Variants in ZFAT observed in about 807,000 individuals in gnomAD.
ZFAT encodes zinc finger and AT-hook domain containing, also known as zinc finger protein ZFAT.
In ZFAT, 64 loss-of-function variants were observed where a neutral mutation model predicts 117.7. The observed-to-expected ratio is 0.54, with a 90% CI of 0.44 to 0.67. ZFAT has a LOEUF of 0.67. Ranked by LOEUF, ZFAT falls within the 30% of genes least tolerant of loss-of-function variation. The probability of loss-of-function intolerance (pLI) is 0.00; values close to 1 mark genes in which losing one functional copy is unlikely to be tolerated. For synonymous variants in ZFAT, 679 were observed against 615.0 expected, an observed-to-expected ratio of 1.10 and a Z score of -1.54; for missense variants, 1,433 against 1,584.5, an observed-to-expected ratio of 0.90 and a Z score of 1.62.
chr8:134,771,788 A>G, the ZFAT span, among the ~76,000 whole-genome samples: 1 of 152,234 alleles, frequency 6.6e-6, no homozygotes, highest in African/African-American at 2.4e-5. Context: ...TGATAAAGAC[A>G]TACCAGAGAC....
At chr8:134,713,342 A>C (rs1814110085), upstream of ZFAT, among the ~76,000 whole-genome samples, 1 of 152,168 alleles carries the variant, frequency 6.6e-6, no homozygotes, top group South Asian at 2.1e-4. Flanking sequence ...GCGTGCAAGG[A>C]GAGTTCTGGG....
intron 2 of ZFAT, among the ~76,000 whole-genome samples, chr8:134,650,505 T>C (rs971395796): frequency 3.9e-5 from 6 of 152,190 alleles, no homozygotes; most frequent in African/African-American, 1.4e-4. Context: ...ACAGATCTAA[T>C]GCAATCTTTA....
At chr8:134,667,344 T>A (rs887132799) in intron 1 of ZFAT, among the ~76,000 whole-genome samples, 2 of 151,468 alleles carry the variant, frequency 1.3e-5, no homozygotes, top group Non-Finnish European at 2.9e-5. Context: ...TGCAGAAAAA[T>A]TAGCCGGGCG....
intron 1 of ZFAT, among the ~76,000 whole-genome samples, chr8:134,668,447 A>G (rs1832362078): frequency 6.6e-6 from 1 of 152,204 alleles, no homozygotes; most frequent in South Asian, 2.1e-4. Context: ...CCATTCACCA[A>G]TATCCGCTGT....
At chr8:134,515,403 C>G (rs935311392) in intron 13 of ZFAT, among the ~76,000 whole-genome samples, 3 of 152,182 alleles carry the variant, frequency 2.0e-5, no homozygotes, top group African/African-American at 7.2e-5. Flanking sequence ...CCACGACGGG[C>G]AAACTAATTT....
chr8:134,686,488 T>C (rs1451118828), intron 1 of ZFAT, among the ~76,000 whole-genome samples: 7 of 152,200 alleles, frequency 4.6e-5, no homozygotes, highest in South Asian at 2.1e-4. Context: ...TTTCTCTACA[T>C]GTATGTTACA....
chr8:134,712,821 A>ACAC, intron 1 of ZFAT, 24 bp downstream of exon 1: 14 of 669,040 alleles, frequency 2.1e-5, no homozygotes, highest in Non-Finnish European at 2.6e-5. Context: ...ACCCCGTCTC[A>ACAC]CCCCAACCCC....
the ZFAT span, among the ~76,000 whole-genome samples, chr8:134,752,655 G>A: frequency 6.6e-6 from 1 of 152,124 alleles, no homozygotes; most frequent in Non-Finnish European, 1.5e-5. Flanking sequence ...CCACAGTTCT[G>A]GATGCTGGAA....
chr8:134,654,206 A>G (rs577623804), intron 2 of ZFAT, among the ~76,000 whole-genome samples: 1 of 152,238 alleles, frequency 6.6e-6, no homozygotes, highest in African/African-American at 2.4e-5. Flanking sequence ...GAGGCAGGAG[A>G]ATCACTTGAA....
At chr8:134,553,452 G>A (rs1163774820) in intron 11 of ZFAT, among the ~76,000 whole-genome samples, 3 of 152,174 alleles carry the variant, frequency 2.0e-5, no homozygotes, top group African/African-American at 7.2e-5. Context: ...TCAGCGAGCC[G>A]AGATCGCGCC....
chr8:134,727,372 A>C, the ZFAT span, among the ~76,000 whole-genome samples: 1 of 152,154 alleles, frequency 6.6e-6, no homozygotes, highest in Non-Finnish European at 1.5e-5. Context: ...TTTGAGGAGA[A>C]GAACGGCTGT....
At chr8:134,791,783 G>C in the ZFAT span, among the ~76,000 whole-genome samples, 69 of 152,264 alleles carry the variant, frequency 4.5e-4, no homozygotes, top group Admixed American at 6.5e-4. Flanking sequence ...ATGTTTCTCA[G>C]CATCTCTTAC....
At chr8:134,813,937 T>C in the ZFAT span, among the ~76,000 whole-genome samples, 2 of 152,142 alleles carry the variant, frequency 1.3e-5, no homozygotes, top group Admixed American at 1.3e-4. Flanking sequence ...ACCCAAAAAT[T>C]ACAATTATGA....
At chr8:134,808,003 GT>G in the ZFAT span, among the ~76,000 whole-genome samples, 5 of 152,272 alleles carry the variant, frequency 3.3e-5, no homozygotes, top group South Asian at 8.3e-4. Flanking sequence ...GCTTCAAAGT[GT>G]TTTTATACAT....
chr8:134,628,180 G>A (rs1053151001), intron 3 of ZFAT, among the ~76,000 whole-genome samples: 2 of 152,176 alleles, frequency 1.3e-5, no homozygotes, highest in Admixed American at 1.3e-4. Flanking sequence ...ATGGGGCCCC[G>A]CTGGCTCAGG....
chr8:134,576,733 G>T (rs1257138863), intron 10 of ZFAT, among the ~76,000 whole-genome samples: 1 of 152,130 alleles, frequency 6.6e-6, no homozygotes, highest in African/African-American at 2.4e-5. Context: ...GCAGCCATGA[G>T]ATCTCTTATC....
chr8:134,580,007 C>T (rs796297070), intron 10 of ZFAT, among the ~76,000 whole-genome samples: 3 of 151,570 alleles, frequency 2.0e-5, no homozygotes, highest in Non-Finnish European at 2.9e-5. Context: ...CTGTGGCCTC[C>T]GAGAGGTAAT....
At chr8:134,639,693 A>G (rs1050833669) in intron 2 of ZFAT, 2 of 454,722 alleles carry the variant, frequency 4.4e-6, no homozygotes, top group South Asian at 1.6e-5. Context: ...CTTCTTCACA[A>G]CAACGTGTAC....
chr8:134,579,456 G>A (rs7841171), intron 10 of ZFAT, among the ~76,000 whole-genome samples: 37,597 of 152,040 alleles, frequency 0.25, 5,062 homozygotes, highest in East Asian at 0.53. Context: ...ATCAGATCTC[G>A]TGAGACTTAC....
Sources: gnomAD v4.1 joint callset for allele counts (sites outside exome capture counted in the v4.1 genomes callset) on GRCh38, gnomAD v4.1.1 for gene constraint, MANE v1.5 for transcripts, NCBI Gene and HGNC (gene_info 2026-07-23, HGNC 2026-07-21) for gene names.